KCNJ1: variants seen among roughly 807,000 people sequenced by gnomAD.
The protein encoded by KCNJ1 is potassium inwardly rectifying channel subfamily J member 1.
In KCNJ1, 24 loss-of-function variants were observed where a neutral mutation model predicts 21.9. The ratio of observed to expected loss-of-function variants is 1.10; its 90% CI spans 0.79 to 1.54. KCNJ1 has a LOEUF of 1.54. Ranked by LOEUF, KCNJ1 falls within the 40% of genes most tolerant of loss-of-function variation. The pLI is 0.00. For missense variants in KCNJ1, 457 were observed against 455.4 expected (o/e 1.00, Z -0.03); for synonymous variants, 152 against 160.9 (o/e 0.94, Z 0.42).
At chr11:128,864,515 T>G (rs1192312886) in intron 1 of KCNJ1, among the ~76,000 whole-genome samples, 1 of 152,182 alleles carries the variant, frequency 6.6e-6, no homozygotes, top group Non-Finnish European at 1.5e-5. Flanking sequence ...TGATGATTTC[T>G]GAACCACATA....
intron 1 of KCNJ1, among the ~76,000 whole-genome samples, chr11:128,851,732 A>C (rs866914183): frequency 1.4e-4 from 22 of 152,328 alleles, no homozygotes; most frequent in African/African-American, 4.3e-4. Context: ...GTCTGCAACA[A>C]GAATGTACAC....
At chr11:128,850,073 C>A (rs372219930) in intron 2 of KCNJ1, among the ~76,000 whole-genome samples, 1 of 151,826 alleles carries the variant, frequency 6.6e-6, no homozygotes, top group African/African-American at 2.4e-5. Flanking sequence ...ATCGGAGGGC[C>A]CCCCCGCCTC....
At chr11:128,840,786 C>T (rs1356334634) in intron 2 of KCNJ1, among the ~76,000 whole-genome samples, 1 of 152,138 alleles carries the variant, frequency 6.6e-6, no homozygotes, top group Admixed American at 6.5e-5. Context: ...TCTATTGATA[C>T]TCATATATCA....
At chr11:128,853,033 C>G (rs1190069818) in intron 1 of KCNJ1, among the ~76,000 whole-genome samples, 12 of 152,260 alleles carry the variant, frequency 7.9e-5, no homozygotes, top group Admixed American at 7.8e-4. Flanking sequence ...TTAAATTCCA[C>G]TTTATTTCCA....
chr11:128,862,337 C>A (rs1336620227), intron 1 of KCNJ1, among the ~76,000 whole-genome samples: 1 of 152,148 alleles, frequency 6.6e-6, no homozygotes, highest in Non-Finnish European at 1.5e-5. Context: ...AATTCTTATG[C>A]ACAATGGATT....
At chr11:128,866,902 G>C (rs1395046859) in intron 1 of KCNJ1, among the ~76,000 whole-genome samples, 1 of 151,928 alleles carries the variant, frequency 6.6e-6, no homozygotes, top group Non-Finnish European at 1.5e-5. Context: ...TTTGGAATCA[G>C]GCATGATGCA....
rs1486629718 is a variant in KCNJ1 at position 128,838,171 on chromosome 11, GTC to G, written c.*952_*953del. ...TTCACAGTAAAACTTTCCCCTCAAG[GTC>G]GAGCCTTCCATAAGCTGGTCCCTTT... On this transcript the variant is annotated 3_prime_UTR_variant, in exon 3 of 3. Transcript: ENST00000392666. The G allele has an allele frequency of 5.9e-4, 90 of 152,726 alleles. No individual in the cohort carries two copies. The Middle Eastern group carries it at 0.01, about 17-fold the overall frequency. The allele number at this position is 152,726 out of a possible 1,614,324, so 9.5% of individuals were successfully genotyped here. A position where few individuals can be genotyped will look rare whatever the true frequency, so the allele number is the denominator to read the frequency against.
chr11:128,840,626 A>G (rs561222025), intron 2 of KCNJ1, among the ~76,000 whole-genome samples: 12 of 152,342 alleles, frequency 7.9e-5, no homozygotes, highest in Admixed American at 1.3e-4. Flanking sequence ...TATTACTTAA[A>G]TCACCTTCTC....
chr11:128,838,623 C>CTTG lies in KCNJ1; in HGVS notation c.*499_*501dup, dbSNP rs113008742. The CTTG allele has an allele frequency of 0.16, 25,524 of 160,464 alleles. 2,142 individuals are homozygous for CTTG. Among genetic ancestry groups the CTTG allele is most frequent in the South Asian group, 0.29 (1,663 of 5,638 alleles). 9.9% of individuals were successfully genotyped at this position (160,464 alleles called of 1,614,324 possible). On this transcript the variant is annotated 3_prime_UTR_variant, in exon 3 of 3. Transcript: ENST00000392666. ...AAATTGTTCTTTGTGTAAGCGTTTT[C>CTTG]TTGTCATTGATTGGTTGGTTCATCT...
Position 128,865,097 on chromosome 11 carries a change from A to G in KCNJ1, c.-192+2076T>C, listed in dbSNP as rs916008. On this transcript the variant is annotated intron_variant, in intron 1 of 2. Coordinates refer to ENST00000392666, the MANE Select transcript of KCNJ1 (RefSeq NM_153766.3). Reference sequence around the variant, plus strand: ...CCCTGTGTAAGTCATGCTCTCTCTCATTCTTGCATATTTTTGTAAATGCCA... The same window carrying G: ...CCCTGTGTAAGTCATGCTCTCTCTCGTTCTTGCATATTTTTGTAAATGCCA... Among the ~76,000 whole-genome samples the G allele has an allele frequency of 8.3e-4, 126 of 152,058 alleles. 1 individual carries two copies. The highest frequency in any genetic ancestry group is 2.8e-3 in the African/African-American group (116 of 41,452).
intron 2 of KCNJ1, among the ~76,000 whole-genome samples, chr11:128,844,338 G>A (rs1309895071): frequency 1.3e-5 from 2 of 152,182 alleles, no homozygotes; most frequent in Non-Finnish European, 2.9e-5. Context: ...AGGCAAGCTA[G>A]GGCCAACGGA....
chr11:128,857,213 T>G lies in KCNJ1; in HGVS notation c.-191-6323A>C, dbSNP rs957517440. ...TGGCTGCTCCATGTCGCTAGGGACCTAGCTCCATCACCACCTTCTTCGAGA... is the reference window on the plus strand; with the variant it reads ...TGGCTGCTCCATGTCGCTAGGGACCGAGCTCCATCACCACCTTCTTCGAGA... On this transcript the variant is annotated intron_variant, in intron 1 of 2. Coordinates refer to ENST00000392666, the MANE Select transcript of KCNJ1 (RefSeq NM_153766.3). 2.6e-5 allele frequency among the ~76,000 whole-genome samples: 4 copies of G among 152,210 alleles called. No homozygotes were observed. The East Asian group carries it at 7.7e-4, about 29-fold the overall frequency.
chr11:128,839,512 G>A lies in KCNJ1; in HGVS notation c.732C>T (p.Ile244=), dbSNP rs886047985. The A allele has an allele frequency of 1.9e-6, 3 of 1,614,074 alleles. No homozygotes were observed. Among genetic ancestry groups the A allele is most frequent in the South Asian group, 1.1e-5 (1 of 91,084 alleles). The part of the protein sequence containing the change: ...VDAGNENLFF[I]SPLTIYHVID... Reference sequence around the variant, plus strand: ...TGACATGGTAAATTGTCAATGGGGAGATGAAGAATAAATTTTCATTCCCAG... The same window carrying A: ...TGACATGGTAAATTGTCAATGGGGAAATGAAGAATAAATTTTCATTCCCAG... Residue 244 remains isoleucine (I), a synonymous_variant, in exon 3 of 3, where the codon ATC becomes ATT. Transcript: ENST00000392666.
rs551506774 is a variant in KCNJ1, at chr11:128,839,341, A to G, written c.903T>C (p.Leu301=). 8.1e-6 allele frequency: 13 copies of G among 1,614,128 alleles called. 1 individual carries two copies. In the South Asian group the frequency reaches 1.3e-4, roughly 16 times the overall value. Residue 301 remains leucine (L), a synonymous_variant, in exon 3 of 3, where the codon CTT becomes CTC. Transcript: ENST00000392666. Reference sequence around the variant, plus strand: ...CTATGGGAGCAAAACGGTAGCCCCAAAGCACCTCCTCTGGGACATAGGATG... The same window carrying G: ...CTATGGGAGCAAAACGGTAGCCCCAGAGCACCTCCTCTGGGACATAGGATG... ...VRTSYVPEEV[L]WGYRFAPIVS... is the part of the protein sequence containing the mutation.
At chr11:128,854,331 CTTG>C (rs1213642108) in intron 1 of KCNJ1, among the ~76,000 whole-genome samples, 14 of 152,244 alleles carry the variant, frequency 9.2e-5, no homozygotes, top group Admixed American at 5.9e-4. Flanking sequence ...GCCCATAGCC[CTTG>C]TTGTATTCCT....
At position 128,840,041 on chromosome 11, in the gene KCNJ1, G is replaced by A. The variant is rs1211961713; in HGVS notation, c.203C>T (p.Ala68Val). The part of the protein sequence containing the change: ...WRYKMTIFIT[A>V]FLGSWFFFGL... ...AAAGAAAAACCAACTCCCCAAGAAGGCTGTGATGAAAATGGTCATTTTGTA... is the reference window on the plus strand; with the variant it reads ...AAAGAAAAACCAACTCCCCAAGAAGACTGTGATGAAAATGGTCATTTTGTA... The change falls in exon 3 of 3, where the codon GCC (alanine) becomes GTC (valine). Residue 68 changes from alanine to valine, a missense_variant. Coordinates refer to ENST00000392666, the MANE Select transcript of KCNJ1 (RefSeq NM_153766.3). 2.5e-6 allele frequency: 4 copies of A among 1,614,120 alleles called. No individual in the cohort carries two copies. Among genetic ancestry groups the A allele is most frequent in the Non-Finnish European group, 3.4e-6 (4 of 1,180,008 alleles).
intron 1 of KCNJ1, among the ~76,000 whole-genome samples, chr11:128,856,361 G>T (rs1032514388): frequency 2.0e-5 from 3 of 152,234 alleles, no homozygotes; most frequent in Non-Finnish European, 4.4e-5. Context: ...GCTTGGTGAT[G>T]GATGCCTGGC....
At chr11:128,853,096 T>C (rs1943505953) in intron 1 of KCNJ1, among the ~76,000 whole-genome samples, 1 of 152,264 alleles carries the variant, frequency 6.6e-6, no homozygotes, top group Admixed American at 6.5e-5. Context: ...CGTTTCAGTC[T>C]CAAAGACGTT....
At position 128,850,241 on chromosome 11, in the gene KCNJ1, C is replaced by T. The variant is rs573665056; in HGVS notation, c.-22+480G>A. ...AGTTAAATGTCATTTCTCAGAAAGA[C>T]ATTTAAATGTCAGTTTCTCAAAGAA... On this transcript the variant is annotated intron_variant, in intron 2 of 2. Coordinates refer to ENST00000392666, the MANE Select transcript of KCNJ1 (RefSeq NM_153766.3). Among the ~76,000 whole-genome samples the T allele has an allele frequency of 2.6e-5, 4 of 152,112 alleles. No homozygotes were observed. The East Asian group carries it at 5.8e-4, about 22-fold the overall frequency.
Sources: gnomAD v4.1 joint callset for allele counts (sites outside exome capture counted in the v4.1 genomes callset) on GRCh38, gnomAD v4.1.1 for gene constraint, MANE v1.5 for transcripts, NCBI Gene and HGNC (gene_info 2026-07-23, HGNC 2026-07-21) for gene names.